The following CDC42EP4 variants were observed in gnomAD, a reference collection of about 807,000 sequenced individuals.
CDC42EP4 encodes the protein CDC42 effector protein (Rho GTPase binding) 4.
A neutral mutation model predicts 5.6 loss-of-function variants in CDC42EP4; 6 were observed. That is an observed-to-expected ratio of 1.07 (90% CI 0.59 to 2.12). CDC42EP4 has a LOEUF of 2.12. CDC42EP4 is among the 30% of genes most tolerant of loss of function. The pLI is 0.00. For synonymous variants in CDC42EP4, 230 were observed against 224.2 expected, an observed-to-expected ratio of 1.03 and a Z score of -0.23; for missense variants, 490 against 508.6, an observed-to-expected ratio of 0.96 and a Z score of 0.35.
intron 1 of CDC42EP4, among the ~76,000 whole-genome samples, chr17:73,290,811 G>C (rs2062157814): frequency 6.6e-6 from 1 of 152,218 alleles, no homozygotes; most frequent in Non-Finnish European, 1.5e-5. Context: ...CCCAGACCCT[G>C]TGAGTGATGT....
At chr17:73,305,568 C>A (rs924255246) in intron 1 of CDC42EP4, among the ~76,000 whole-genome samples, 1 of 152,238 alleles carries the variant, frequency 6.6e-6, no homozygotes, top group South Asian at 2.1e-4. Context: ...CATCTTGGCC[C>A]TGCCGGAAGT....
chr17:73,310,531 G>A (rs2062267937), intron 1 of CDC42EP4, among the ~76,000 whole-genome samples: 1 of 152,064 alleles, frequency 6.6e-6, no homozygotes, highest in Non-Finnish European at 1.5e-5. Context: ...GTGGGCACCG[G>A]GCACACAGTA....
chr17:73,301,996 G>T (rs2062221635), intron 1 of CDC42EP4, among the ~76,000 whole-genome samples: 1 of 152,010 alleles, frequency 6.6e-6, no homozygotes, highest in Non-Finnish European at 1.5e-5. Flanking sequence ...TGCCTGCCTG[G>T]CTAATTTTTG....
At chr17:73,290,411 T>C (rs2062156051) in intron 1 of CDC42EP4, among the ~76,000 whole-genome samples, 1 of 152,222 alleles carries the variant, frequency 6.6e-6, no homozygotes, top group African/African-American at 2.4e-5. Context: ...AAGAAGGTTC[T>C]TGTGTAATCC....
At chr17:73,296,102 C>A (rs1287947582) in intron 1 of CDC42EP4, among the ~76,000 whole-genome samples, 1 of 150,872 alleles carries the variant, frequency 6.6e-6, no homozygotes. Flanking sequence ...AGACTGGAGA[C>A]AGGCTAGTCG....
intron 1 of CDC42EP4, among the ~76,000 whole-genome samples, chr17:73,300,235 T>C (rs2062210974): frequency 6.6e-6 from 1 of 152,196 alleles, no homozygotes; most frequent in African/African-American, 2.4e-5. Context: ...TCTACTTTGA[T>C]GGCCCCTTCC....
intron 1 of CDC42EP4, among the ~76,000 whole-genome samples, chr17:73,298,402 G>A (rs2062199769): frequency 6.6e-6 from 1 of 152,200 alleles, no homozygotes; most frequent in Admixed American, 6.5e-5. Flanking sequence ...GGAGATGAGC[G>A]ATAAGGATCA....
At chr17:73,300,405 G>A (rs771016249) in intron 1 of CDC42EP4, among the ~76,000 whole-genome samples, 3 of 152,152 alleles carry the variant, frequency 2.0e-5, no homozygotes, top group Admixed American at 6.5e-5. Flanking sequence ...GGAGAGCAGG[G>A]ATCATAGAGT....
intron 1 of CDC42EP4, among the ~76,000 whole-genome samples, chr17:73,287,992 G>T (rs781131166): frequency 2.0e-5 from 3 of 151,982 alleles, no homozygotes; most frequent in Non-Finnish European, 4.4e-5. Context: ...TCCCCACCTC[G>T]CTCCTCAGTG....
chr17:73,301,102 A>T (rs573523497), intron 1 of CDC42EP4, among the ~76,000 whole-genome samples: 1 of 152,292 alleles, frequency 6.6e-6, no homozygotes, highest in Non-Finnish European at 1.5e-5. Context: ...ATATGTGCAC[A>T]AGTGGAAAAT....
At chr17:73,297,204 G>C (rs963474591) in intron 1 of CDC42EP4, among the ~76,000 whole-genome samples, 2 of 150,650 alleles carry the variant, frequency 1.3e-5, no homozygotes, top group Admixed American at 1.3e-4. Flanking sequence ...GGAGGCAGGA[G>C]AATCACTTGA....
chr17:73,299,837 C>T (rs548479886), intron 1 of CDC42EP4, among the ~76,000 whole-genome samples: 134 of 152,226 alleles, frequency 8.8e-4, no homozygotes, highest in African/African-American at 3.0e-3. Context: ...CCAGGCATGG[C>T]TGCATTTGAA....
At chr17:73,291,344 T>C (rs951111972) in intron 1 of CDC42EP4, among the ~76,000 whole-genome samples, 16 of 152,268 alleles carry the variant, frequency 1.1e-4, no homozygotes, top group Non-Finnish European at 1.9e-4. Context: ...ACACTGGGGA[T>C]GAGGCCTGGG....
At chr17:73,296,982 A>G (rs1468198562) in intron 1 of CDC42EP4, among the ~76,000 whole-genome samples, 25 of 43,208 alleles carry the variant, frequency 5.8e-4, no homozygotes, top group Admixed American at 1.0e-3. Context: ...CTCCGTCTCA[A>G]AAAAAAAAAA....
At chr17:73,287,249 C>A (rs1055181039) in intron 1 of CDC42EP4, among the ~76,000 whole-genome samples, 1 of 152,202 alleles carries the variant, frequency 6.6e-6, no homozygotes, top group Non-Finnish European at 1.5e-5. Context: ...AACCAGCTCC[C>A]CAGCCTTTCA....
rs370728916 is a variant in CDC42EP4 at position 73,302,594 on chromosome 17, A to G, written c.-113+9299T>C. On this transcript the variant is annotated intron_variant, in intron 1 of 1. Coordinates refer to ENST00000335793, the MANE Select transcript of CDC42EP4 (RefSeq NM_012121.5). ...TAGGCTCAAGCAATCCTTCCACCTC[A>G]GTCCCGAGTAGCTGGGACTACAGGT... is the stretch of plus-strand genomic sequence containing the variant. Among the ~76,000 whole-genome samples, 15 of 152,188 alleles carry G rather than the reference A, an allele frequency of 9.9e-5. No homozygotes were observed. In the East Asian group the frequency reaches 2.9e-3, roughly 29 times the overall value.
At chr17:73,305,295 C>G (rs927097070) in intron 1 of CDC42EP4, among the ~76,000 whole-genome samples, 1 of 152,220 alleles carries the variant, frequency 6.6e-6, no homozygotes, top group Non-Finnish European at 1.5e-5. Flanking sequence ...TGGTGGGGGG[C>G]CCCACTGCCC....
intron 1 of CDC42EP4, among the ~76,000 whole-genome samples, chr17:73,303,885 G>A (rs1274192828): frequency 2.6e-5 from 4 of 152,164 alleles, no homozygotes; most frequent in East Asian, 1.9e-4. Context: ...GGAAAATGAT[G>A]CCAATAACTC....
At chr17:73,291,337 C>T (rs1416741967) in intron 1 of CDC42EP4, among the ~76,000 whole-genome samples, 1 of 152,168 alleles carries the variant, frequency 6.6e-6, no homozygotes, top group Non-Finnish European at 1.5e-5. Context: ...GCAGTCCACA[C>T]TGGGGATGAG....
Sources: allele counts gnomAD v4.1 joint callset (sites outside exome capture counted in the v4.1 genomes callset), GRCh38; gene constraint gnomAD v4.1.1; transcripts MANE v1.5; gene names NCBI Gene and HGNC (gene_info 2026-07-23, HGNC 2026-07-21).